TRPM3: variants seen among roughly 807,000 people sequenced by gnomAD.
TRPM3 encodes long transient receptor potential channel 3.
In TRPM3, 77 loss-of-function variants were observed where a neutral mutation model predicts 181.2. The ratio of observed to expected loss-of-function variants is 0.42; its 90% CI spans 0.35 to 0.51. The LOEUF (loss-of-function observed/expected upper bound fraction) is 0.51. Among genes scored for constraint, TRPM3 ranks in the 20% least tolerant of loss-of-function variants. TRPM3 has a pLI of 0.01. For synonymous variants in TRPM3, 745 were observed against 796.4 expected, an observed-to-expected ratio of 0.94 and a Z score of 1.09; for missense variants, 1,759 against 2,196.7, an observed-to-expected ratio of 0.80 and a Z score of 3.98.
chr9:70,542,178 G>A (rs1421202241), intron 25 of TRPM3, among the ~76,000 whole-genome samples: 29 of 152,098 alleles, frequency 1.9e-4, no homozygotes, highest in Admixed American at 1.9e-3. Flanking sequence ...CAGGCCTGAG[G>A]TATATACCAA....
intron 25 of TRPM3, among the ~76,000 whole-genome samples, chr9:70,538,622 C>T (rs1415520277): frequency 6.6e-6 from 1 of 152,096 alleles, no homozygotes; most frequent in East Asian, 1.9e-4. Flanking sequence ...GAGACAGGGG[C>T]TTGCTGTGTT....
chr9:70,951,696 C>T (rs1410277658), intron 1 of TRPM3, among the ~76,000 whole-genome samples: 1 of 152,122 alleles, frequency 6.6e-6, no homozygotes, highest in Non-Finnish European at 1.5e-5. Flanking sequence ...AGTATTGTTG[C>T]TTATATAACC....
At chr9:71,366,007 C>T (rs538695130) in intron 1 of TRPM3, among the ~76,000 whole-genome samples, 1 of 152,068 alleles carries the variant, frequency 6.6e-6, no homozygotes, top group African/African-American at 2.4e-5. Context: ...GGTAGGAATG[C>T]CTTTCTGAGG....
chr9:70,811,289 C>T, intron 6 of TRPM3: 2 of 1,496,860 alleles, frequency 1.3e-6, no homozygotes, highest in Non-Finnish European at 1.8e-6. Flanking sequence ...CCTGTGGTTG[C>T]ATACACATTT....
In TRPM3 at chr9:70,846,439, T is replaced by A. The variant is rs761034515; in HGVS notation, c.615A>T (p.Lys205Asn). 2.5e-6 allele frequency: 4 copies of A among 1,614,192 alleles called. No homozygotes were observed. The highest frequency in any genetic ancestry group is 1.7e-6 in the Non-Finnish European group (2 of 1,180,012). Residue 205 changes from lysine to asparagine, a missense_variant, in exon 4 of 26, where the codon AAA (lysine) becomes AAT (asparagine). By Grantham distance (94) the Lys-to-Asn change is moderately conservative (BLOSUM62 0). This residue lies in a region of TRPM3 where 737 missense variants were observed against 957.4 expected (regional missense o/e 0.77). Transcript: ENST00000677713. ...TTGTCATTGCTGCTTTGATGAGCCC[T>A]TTCCCAAAGACTTGCTTGAGTTTTG... ...LQPKLKQVFG[K>N]GLIKAAMTTG...
intron 1 of TRPM3, among the ~76,000 whole-genome samples, chr9:71,018,022 A>G (rs2097799444): frequency 6.6e-6 from 1 of 151,930 alleles, no homozygotes; most frequent in Non-Finnish European, 1.5e-5. Context: ...TAACAAAAAG[A>G]TAACTGAATG....
chr9:70,576,477 TCTTCTCCTC>T (rs1459809116), intron 22 of TRPM3, among the ~76,000 whole-genome samples: 1 of 151,122 alleles, frequency 6.6e-6, no homozygotes, highest in Non-Finnish European at 1.5e-5. Context: ...TTCTTCTTCT[TCTTCTCCTC>T]CTCCTCCTCC....
At chr9:71,420,693 AAGAGAAAGAGAGAGAAAGAAAG>A (rs2093721006) in intron 1 of TRPM3, among the ~76,000 whole-genome samples, 1 of 20,374 alleles carries the variant, frequency 4.9e-5, no homozygotes, top group African/African-American at 1.5e-4. Context: ...GAGAAAGGGA[AAGAGAAAGAGAGAGAAAGAAAG>A]AGAGAAAGAG....
intron 1 of TRPM3, among the ~76,000 whole-genome samples, chr9:71,196,864 TC>T (rs1226809391): frequency 1.5e-5 from 2 of 130,512 alleles, no homozygotes; most frequent in African/African-American, 5.3e-5. Flanking sequence ...ATTGGGCCTT[TC>T]TTTTTATTTT....
Position 71,139,846 on chromosome 9 carries a change from C to T in TRPM3, c.184-275335G>A, listed in dbSNP as rs1050063339. On this transcript the variant is annotated intron_variant, in intron 1 of 24. Coordinates refer to the TRPM3 transcript ENST00000357533. ...CTAGAGAAGCTAAAAAATAAGATGC[C>T]TGTTTCCAAGTATCCTTTATATACA... 9.9e-5 allele frequency among the ~76,000 whole-genome samples: 15 copies of T among 152,248 alleles called. No individual in the cohort carries two copies. In the South Asian group the frequency reaches 1.7e-3, roughly 17 times the overall value.
chr9:70,943,703 T>G (rs1160609484), intron 1 of TRPM3, among the ~76,000 whole-genome samples: 1 of 152,238 alleles, frequency 6.6e-6, no homozygotes, highest in African/African-American at 2.4e-5. Context: ...GACCTCACAG[T>G]CTTCAAACTC....
intron 1 of TRPM3, among the ~76,000 whole-genome samples, chr9:71,406,522 A>G (rs552164123): frequency 1.8e-4 from 27 of 152,176 alleles, no homozygotes; most frequent in African/African-American, 6.0e-4. Context: ...AGAAAAACAC[A>G]CCCCATCCAC....
chr9:70,944,324 T>C (rs915092373), intron 1 of TRPM3, among the ~76,000 whole-genome samples: 1 of 152,168 alleles, frequency 6.6e-6, no homozygotes, highest in African/African-American at 2.4e-5. Flanking sequence ...GAAACAGTCT[T>C]GAAGCAAGGA....
chr9:70,654,839 G>A (rs569375986), intron 9 of TRPM3, among the ~76,000 whole-genome samples: 4 of 151,508 alleles, frequency 2.6e-5, no homozygotes, highest in South Asian at 4.2e-4. Flanking sequence ...CCTGCACCAC[G>A]CCTGGCTAAT....
intron 1 of TRPM3, among the ~76,000 whole-genome samples, chr9:71,426,088 G>A (rs527481202): frequency 2.8e-4 from 42 of 152,044 alleles, no homozygotes; most frequent in Non-Finnish European, 4.1e-4. Context: ...TCACAATTAG[G>A]TTTCATCTAC....
intron 1 of TRPM3, among the ~76,000 whole-genome samples, chr9:71,400,978 A>T (rs531009997): frequency 2.3e-4 from 35 of 152,216 alleles, no homozygotes; most frequent in African/African-American, 7.9e-4. Flanking sequence ...TAGGTGGATC[A>T]TCTGAGGTCA....
At chr9:70,776,930 G>A (rs2081471236) in intron 7 of TRPM3, among the ~76,000 whole-genome samples, 2 of 152,178 alleles carry the variant, frequency 1.3e-5, no homozygotes, top group African/African-American at 4.8e-5. Flanking sequence ...CCCACCCCAC[G>A]TGCATCAAAG....
intron 1 of TRPM3, among the ~76,000 whole-genome samples, chr9:71,090,973 A>G (rs1450064032): frequency 6.6e-6 from 1 of 152,126 alleles, no homozygotes; most frequent in African/African-American, 2.4e-5. Context: ...CCACAGTAGG[A>G]CATTTTTCAA....
intron 1 of TRPM3, among the ~76,000 whole-genome samples, chr9:70,976,345 AT>A (rs911947651): frequency 6.6e-6 from 1 of 152,162 alleles, no homozygotes; most frequent in Non-Finnish European, 1.5e-5. Context: ...ACAGCTAGTG[AT>A]TTTTTTACTC....
Sources: allele counts gnomAD v4.1 joint callset (sites outside exome capture counted in the v4.1 genomes callset), GRCh38; gene constraint gnomAD v4.1.1; regional missense constraint gnomAD v4.1.1; transcripts MANE v1.5; gene names NCBI Gene and HGNC (gene_info 2026-07-23, HGNC 2026-07-21).